The following CPM variants were observed in gnomAD, a reference collection of about 807,000 sequenced individuals.
CPM encodes the protein renal carboxypeptidase.
CPM carries 35 observed loss-of-function variants against 46.4 expected under a neutral mutation model. The observed-to-expected ratio is 0.75, with a 90% confidence interval of 0.58 to 1.00. CPM has a LOEUF of 1.00. Ranked by LOEUF, CPM falls within the 50% of genes least tolerant of loss-of-function variation. The pLI, the probability that CPM is intolerant of heterozygous loss-of-function variation, is 0.00. For missense variants in CPM, 422 were observed against 530.4 expected, an observed-to-expected ratio of 0.80 and a Z score of 2.01; for synonymous variants, 195 against 195.3, an observed-to-expected ratio of 1.00 and a Z score of 0.01.
At chr12:68,926,050 G>C (rs1888244589) in intron 2 of CPM, among the ~76,000 whole-genome samples, 1 of 152,034 alleles carries the variant, frequency 6.6e-6, no homozygotes, top group Non-Finnish European at 1.5e-5. Context: ...CCAAGTAGCT[G>C]GGATGACAGG....
Position 68,932,828 on chromosome 12 carries a change from G to C in CPM, c.10C>G (p.Pro4Ala). The C allele has an allele frequency of 6.2e-7, 1 of 1,614,136 alleles. No homozygotes were observed. MDF[P>A]CLWLGLLLPL... is the part of the protein sequence containing the mutation. ...AGCAACAGCCCTAGCCAGAGGCACG[G>C]GAAGTCCATGTTCTAGAGATGAATA... Residue 4 changes from proline to alanine, a missense_variant, in exon 2 of 9, where the codon CCG becomes GCG. Transcript: ENST00000551568.
At chr12:68,885,109 A>C (rs569301297) in intron 3 of CPM, among the ~76,000 whole-genome samples, 73 of 152,092 alleles carry the variant, frequency 4.8e-4, no homozygotes, top group African/African-American at 1.6e-3. Flanking sequence ...ACACCTGGCT[A>C]ATTTTTTGCA....
Position 68,866,920 on chromosome 12 carries a change from C to T in CPM, c.916G>A (p.Glu306Lys). ...CCTAGGTGCACCTGCTTTATATATT[C>T]AATTAATGAGGCTTTGTTATTATTC... ...FWNNNKASLI[E>K]YIKQVHLGVK... The change falls in exon 7 of 9, where the codon GAA (glutamate) becomes AAA (lysine). Residue 306 changes from glutamate (E) to lysine (K), a missense_variant. Physicochemically the swap from Glu to Lys is moderately conservative, Grantham distance 56 (BLOSUM62 1). Transcript: ENST00000551568. 6.2e-7 allele frequency: 1 copy of T among 1,613,686 alleles called. No homozygotes were observed. Among genetic ancestry groups the T allele is most frequent in the Non-Finnish European group, 8.5e-7 (1 of 1,179,908 alleles).
At chr12:68,895,638 G>C (rs576643341) in intron 2 of CPM, among the ~76,000 whole-genome samples, 1 of 152,242 alleles carries the variant, frequency 6.6e-6, no homozygotes, top group South Asian at 2.1e-4. Context: ...GGGGTTCCCA[G>C]AACCATAAAA....
At chr12:68,870,093 G>T in intron 5 of CPM, 122 bp downstream of exon 5, 1 of 981,282 alleles carries the variant, frequency 1.0e-6, no homozygotes, top group Non-Finnish European at 1.5e-6. Context: ...GGAACATGAA[G>T]CTCTTTTCAC....
chr12:68,871,207 A>AC (rs1885678447), intron 4 of CPM, among the ~76,000 whole-genome samples: 1 of 152,236 alleles, frequency 6.6e-6, no homozygotes, highest in South Asian at 2.1e-4. Flanking sequence ...TAATAAATCA[A>AC]CCGGTCATTA....
intron 3 of CPM, among the ~76,000 whole-genome samples, chr12:68,883,638 G>A (rs1270408749): frequency 6.6e-6 from 1 of 152,118 alleles, no homozygotes; most frequent in East Asian, 1.9e-4. Context: ...GAAAGTGCAT[G>A]GAAAGAATAA....
chr12:68,898,855 C>A (rs921387249), intron 2 of CPM, among the ~76,000 whole-genome samples: 1 of 152,124 alleles, frequency 6.6e-6, no homozygotes, highest in African/African-American at 2.4e-5. Context: ...CGGTACTTAC[C>A]CTCATGGGGT....
intron 1 of CPM, among the ~76,000 whole-genome samples, chr12:68,947,698 G>A (rs942160631): frequency 8.6e-5 from 13 of 151,920 alleles, no homozygotes; most frequent in African/African-American, 2.7e-4. Context: ...AGGCTGGAAT[G>A]CAGTTGCACA....
At chr12:68,905,037 T>C (rs1887282000) in intron 2 of CPM, among the ~76,000 whole-genome samples, 1 of 151,700 alleles carries the variant, frequency 6.6e-6, no homozygotes. Context: ...GCCTCCCGAG[T>C]AGCTGGAATT....
At chr12:68,850,910 A>G (rs148883797), downstream of CPM, among the ~76,000 whole-genome samples, 140 of 152,220 alleles carry the variant, frequency 9.2e-4, no homozygotes, top group Non-Finnish European at 1.5e-3. Flanking sequence ...TCCATCCATC[A>G]TCTTGTCCAT....
chr12:68,915,651 T>C (rs904458721), intron 2 of CPM, among the ~76,000 whole-genome samples: 2 of 152,210 alleles, frequency 1.3e-5, no homozygotes, highest in East Asian at 1.9e-4. Context: ...ATTACGGCAG[T>C]TGGGTGTAAG....
chr12:68,950,281 T>C (rs997584952), intron 1 of CPM, among the ~76,000 whole-genome samples: 2 of 152,120 alleles, frequency 1.3e-5, no homozygotes, highest in African/African-American at 4.8e-5. Flanking sequence ...ATTCGCCCAA[T>C]GCGCGCCAAC....
In CPM at chr12:68,927,315, T is replaced by C. The variant is rs575549193; in HGVS notation, c.160+5363A>G. On this transcript the variant is annotated intron_variant, in intron 2 of 8. Transcript: ENST00000551568. ...TGATTTGCATTTCTCTGATGGCCAGTGATGGTGAGCATTTTTTCATGTGTT... is the reference window on the plus strand; with the variant it reads ...TGATTTGCATTTCTCTGATGGCCAGCGATGGTGAGCATTTTTTCATGTGTT... Among the ~76,000 whole-genome samples, 8 of 151,606 alleles carry C rather than the reference T, an allele frequency of 5.3e-5. No individual in the cohort carries two copies. In the East Asian group the frequency reaches 1.5e-3, roughly 29 times the overall value.
At chr12:68,928,858 G>T (rs935959023) in intron 2 of CPM, among the ~76,000 whole-genome samples, 1 of 151,418 alleles carries the variant, frequency 6.6e-6, no homozygotes, top group Admixed American at 6.6e-5. Flanking sequence ...TCCTGCCTCA[G>T]TTTCCCAAGT....
chr12:68,876,624 A>G (rs2136239148), intron 3 of CPM, among the ~76,000 whole-genome samples: 1 of 152,238 alleles, frequency 6.6e-6, no homozygotes, highest in South Asian at 2.1e-4. Context: ...TCATGAAGAA[A>G]CGGGGGCCTG....
intron 2 of CPM, among the ~76,000 whole-genome samples, chr12:68,931,202 T>G (rs1166099785): frequency 2.0e-5 from 3 of 152,188 alleles, no homozygotes; most frequent in African/African-American, 7.2e-5. Context: ...ATAAATACAT[T>G]TATATAATAC....
chr12:68,896,656 A>G (rs754463124), intron 2 of CPM, among the ~76,000 whole-genome samples: 8 of 152,210 alleles, frequency 5.3e-5, no homozygotes, highest in Non-Finnish European at 1.0e-4. Flanking sequence ...TCAAGAGTCA[A>G]TGCACCTTCT....
chr12:68,920,891 G>A (rs993039809), intron 2 of CPM, among the ~76,000 whole-genome samples: 1 of 149,444 alleles, frequency 6.7e-6, no homozygotes, highest in East Asian at 2.0e-4. Flanking sequence ...TAGTACACAC[G>A]GGGTTTTGCC....
Sources: gnomAD v4.1 joint callset for allele counts (sites outside exome capture counted in the v4.1 genomes callset) on GRCh38, gnomAD v4.1.1 for gene constraint, MANE v1.5 for transcripts, NCBI Gene and HGNC (gene_info 2026-07-23, HGNC 2026-07-21) for gene names.